RUNX1T1: variants seen among roughly 807,000 people sequenced by gnomAD.
RUNX1T1 encodes RUNX1 partner transcriptional co-repressor 1, also known as protein CBFA2T1.
Under a neutral mutation model 62.8 loss-of-function variants are expected in RUNX1T1, and 4 were observed. The ratio of observed to expected loss-of-function variants is 0.06; its 90% CI spans 0.03 to 0.15. The LOEUF is 0.15. Among genes scored for constraint, RUNX1T1 ranks in the 10% least tolerant of loss-of-function variants. RUNX1T1 has a pLI of 1.00. For synonymous variants in RUNX1T1, 291 were observed against 286.0 expected (o/e 1.02, Z -0.18); for missense variants, 508 against 754.3 (o/e 0.67, Z 3.82).
chr8:91,987,076 T>C, intron 6 of RUNX1T1, 104 bp from the exon 8 acceptor site: 1 of 769,932 alleles, frequency 1.3e-6, no homozygotes, highest in South Asian at 1.4e-5. Flanking sequence ...GATGTAAAAA[T>C]ACGTTTGATT....
chr8:91,973,360 T>A, intron 9 of RUNX1T1, among the ~76,000 whole-genome samples: 1 of 145,610 alleles, frequency 6.9e-6, no homozygotes, highest in African/African-American at 2.8e-5. Flanking sequence ...TTTTTGTACT[T>A]TTTTTTTGCA....
chr8:91,989,250 T>C (rs1170471492), intron 6 of RUNX1T1, among the ~76,000 whole-genome samples: 1 of 152,210 alleles, frequency 6.6e-6, no homozygotes, highest in Admixed American at 6.5e-5. Flanking sequence ...CGTACCAGAC[T>C]AAGTATATCT....
At chr8:92,093,201 C>T (rs957861265) in intron 1 of RUNX1T1, among the ~76,000 whole-genome samples, 2 of 152,160 alleles carry the variant, frequency 1.3e-5, no homozygotes, top group Admixed American at 1.3e-4. Flanking sequence ...CTGTAAAGGG[C>T]ATCAGTTGCC....
chr8:91,966,846 T>C (rs1374858345), intron 10 of RUNX1T1, among the ~76,000 whole-genome samples: 1 of 152,046 alleles, frequency 6.6e-6, no homozygotes, highest in Non-Finnish European at 1.5e-5. Flanking sequence ...AGCCTATAAA[T>C]CCAAGTAAAG....
At chr8:92,036,664 T>C (rs1827471934) in intron 1 of RUNX1T1, among the ~76,000 whole-genome samples, 1 of 152,204 alleles carries the variant, frequency 6.6e-6, no homozygotes, top group Non-Finnish European at 1.5e-5. Context: ...ACACAAATTC[T>C]ACTCTTTATC....
chr8:92,011,182 A>C (rs918334445), intron 3 of RUNX1T1, 91 bp from the exon 5 acceptor site: 4 of 693,668 alleles, frequency 5.8e-6, no homozygotes, highest in African/African-American at 5.4e-5. Flanking sequence ...GGTACAACAC[A>C]GTGTAATAAC....
In RUNX1T1 at chr8:91,995,786, C is replaced by CA. The variant is rs199675604; in HGVS notation, c.660-3898dup. On this transcript the variant is annotated intron_variant, in intron 5 of 10. Transcript: ENST00000396218. ...TGAGCAACAGAGTGAGACCCTGTCT[C>CA]AAAAAAAAGGGGAAAAAAAGAAAAC... 2.4e-3 allele frequency among the ~76,000 whole-genome samples: 367 copies of CA among 150,776 alleles called. 2 individuals carry two copies. The highest frequency in any genetic ancestry group is 8.2e-3 in the African/African-American group (336 of 41,112).
intron 1 of RUNX1T1, among the ~76,000 whole-genome samples, chr8:92,054,980 G>A (rs527922676): frequency 6.6e-6 from 1 of 152,144 alleles, no homozygotes; most frequent in East Asian, 1.9e-4. Context: ...ACTCCAGCCT[G>A]GGCGACAGAG....
chr8:92,079,730 T>C (rs1168410058), intron 1 of RUNX1T1, among the ~76,000 whole-genome samples: 2 of 152,138 alleles, frequency 1.3e-5, no homozygotes, highest in East Asian at 1.9e-4. Flanking sequence ...CCTCCATCAC[T>C]TGGCACTCAT....
intron 1 of RUNX1T1, among the ~76,000 whole-genome samples, chr8:92,061,044 T>C (rs1831955016): frequency 6.6e-6 from 1 of 152,182 alleles, no homozygotes; most frequent in East Asian, 1.9e-4. Context: ...TCCCTAAATA[T>C]AGTTCAATGC....
chr8:92,052,709 C>G (rs1359734050), intron 1 of RUNX1T1, among the ~76,000 whole-genome samples: 1 of 152,170 alleles, frequency 6.6e-6, no homozygotes, highest in East Asian at 1.9e-4. Flanking sequence ...GGTCTACCCA[C>G]AGAGTTTCTG....
At chr8:91,960,207 G>T (rs768156906) in exon 11 of RUNX1T1, 2 of 1,589,494 alleles carry the variant, frequency 1.3e-6, no homozygotes, top group Admixed American at 3.5e-5. Flanking sequence ...CGCGTTGGTT[G>T]TGTTGTCTTT....
At chr8:92,039,905 T>C (rs191600161) in intron 1 of RUNX1T1, among the ~76,000 whole-genome samples, 3 of 152,280 alleles carry the variant, frequency 2.0e-5, no homozygotes, top group Non-Finnish European at 2.9e-5. Context: ...CAGGTCCTCA[T>C]GTTCTCTCAC....
chr8:92,055,712 C>T (rs1034646702), intron 1 of RUNX1T1, among the ~76,000 whole-genome samples: 2 of 152,102 alleles, frequency 1.3e-5, no homozygotes, highest in African/African-American at 4.8e-5. Flanking sequence ...TTTTCTAAAT[C>T]AACTATGTAT....
intron 4 of RUNX1T1, chr8:92,009,993 T>G (rs1352329419): frequency 6.6e-6 from 1 of 152,208 alleles, no homozygotes; most frequent in Non-Finnish European, 1.5e-5. Context: ...GAATTGGGGC[T>G]CATTTCAGAC....
chr8:92,003,571 C>T (rs1052199867), intron 5 of RUNX1T1, among the ~76,000 whole-genome samples: 4 of 152,172 alleles, frequency 2.6e-5, no homozygotes, highest in African/African-American at 9.6e-5. Flanking sequence ...AATAAATTTC[C>T]TTCTTCCAAT....
intron 5 of RUNX1T1, among the ~76,000 whole-genome samples, chr8:91,999,478 A>T (rs1205896334): frequency 6.6e-6 from 1 of 152,208 alleles, no homozygotes; most frequent in East Asian, 1.9e-4. Flanking sequence ...TTGGCATTCA[A>T]TAAGTTAATC....
intron 5 of RUNX1T1, among the ~76,000 whole-genome samples, chr8:91,995,710 C>T (rs1818530149): frequency 6.6e-6 from 1 of 151,964 alleles, no homozygotes; most frequent in Admixed American, 6.6e-5. Context: ...TCACTTGAGC[C>T]CAAGAGATTG....
chr8:92,044,476 A>C (rs966797069), intron 1 of RUNX1T1, among the ~76,000 whole-genome samples: 1 of 152,208 alleles, frequency 6.6e-6, no homozygotes, highest in African/African-American at 2.4e-5. Context: ...GTTGTGTCTC[A>C]ATCAGTCTAT....
Sources: gnomAD v4.1 joint callset for allele counts (sites outside exome capture counted in the v4.1 genomes callset) on GRCh38, gnomAD v4.1.1 for gene constraint, MANE v1.5 for transcripts, NCBI Gene and HGNC (gene_info 2026-07-23, HGNC 2026-07-21) for gene names.